RNF212B: variants seen among roughly 807,000 people sequenced by gnomAD.
RNF212B encodes ring finger protein 212B, also known as E3 ubiquitin-protein ligase RNF212B.
RNF212B carries 52 observed loss-of-function variants against 55.5 expected under a neutral mutation model. The observed-to-expected ratio is 0.94, with a 90% CI of 0.75 to 1.18. The LOEUF is 1.18. Among genes scored for constraint, RNF212B ranks in the 50% most tolerant of loss-of-function variants. RNF212B has a pLI of 0.00. For missense variants in RNF212B, 289 were observed against 350.4 expected, an observed-to-expected ratio of 0.82 and a Z score of 1.40; for synonymous variants, 99 against 121.4, an observed-to-expected ratio of 0.82 and a Z score of 1.21.
intron 1 of RNF212B, among the ~76,000 whole-genome samples, chr14:23,185,784 T>C (rs1258514896): frequency 6.6e-6 from 1 of 152,188 alleles, no homozygotes. Context: ...CTTATTACCA[T>C]TGATTACTGG....
At chr14:23,204,769 G>A (rs1448928600) in intron 2 of RNF212B, among the ~76,000 whole-genome samples, 1 of 152,070 alleles carries the variant, frequency 6.6e-6, no homozygotes, top group Non-Finnish European at 1.5e-5. Flanking sequence ...GAATGATGGT[G>A]GTATTTTGAT....
intron 2 of RNF212B, among the ~76,000 whole-genome samples, chr14:23,206,545 C>A (rs1184498954): frequency 6.6e-6 from 1 of 152,152 alleles, no homozygotes; most frequent in Non-Finnish European, 1.5e-5. Flanking sequence ...TTTATAAAGA[C>A]CCTCACCCCC....
At chr14:23,246,116 G>A (rs1054559999) in intron 4 of RNF212B, among the ~76,000 whole-genome samples, 1 of 151,556 alleles carries the variant, frequency 6.6e-6, no homozygotes, top group Non-Finnish European at 1.5e-5. Context: ...AGATCTGTAA[G>A]TCTGTAAGTT....
chr14:23,201,807 G>A (rs1879314406), intron 2 of RNF212B, among the ~76,000 whole-genome samples: 2 of 152,046 alleles, frequency 1.3e-5, no homozygotes, highest in Non-Finnish European at 1.5e-5. Flanking sequence ...TTGAGAGAGG[G>A]GACTTAATTT....
intron 4 of RNF212B, among the ~76,000 whole-genome samples, chr14:23,246,207 T>G (rs1002821962): frequency 1.3e-5 from 2 of 151,884 alleles, no homozygotes; most frequent in Non-Finnish European, 2.9e-5. Context: ...AGATCTCAGC[T>G]CACTGCAACC....
intron 4 of RNF212B, among the ~76,000 whole-genome samples, chr14:23,249,071 G>C (rs1332539026): frequency 6.6e-6 from 1 of 152,200 alleles, no homozygotes; most frequent in African/African-American, 2.4e-5. Context: ...CAGACAGCTG[G>C]TTATGGTCAG....
chr14:23,247,317 T>C (rs1384021826), intron 4 of RNF212B, among the ~76,000 whole-genome samples: 1 of 152,130 alleles, frequency 6.6e-6, no homozygotes, highest in Non-Finnish European at 1.5e-5. Context: ...TTTTAATACA[T>C]CCACAGAATT....
In RNF212B at chr14:23,203,052, A is replaced by G. The variant is rs766613141; in HGVS notation, c.-2+9651A>G. ...TACATAACTGAGTTCTTTAGTGGTGATTTGTGAGATTTTGGTGTACCCATC... is the reference window on the plus strand; with the variant it reads ...TACATAACTGAGTTCTTTAGTGGTGGTTTGTGAGATTTTGGTGTACCCATC... On this transcript the variant is annotated intron_variant, in intron 2 of 15. Transcript: ENST00000399910. Among the ~76,000 whole-genome samples the G allele has an allele frequency of 1.8e-4, 28 of 151,948 alleles. 1 individual carries two copies. The highest frequency in any genetic ancestry group is 1.5e-3 in the Admixed American group (23 of 15,248).
At chr14:23,233,001 A>C (rs1432868303), upstream of RNF212B, among the ~76,000 whole-genome samples, 1 of 152,200 alleles carries the variant, frequency 6.6e-6, no homozygotes, top group Non-Finnish European at 1.5e-5. Flanking sequence ...GAGAAATCAG[A>C]TTGTTGCTGT....
chr14:23,229,988 A>G (rs983254841), intron 2 of RNF212B: 1 of 206,966 alleles, frequency 4.8e-6, no homozygotes, highest in African/African-American at 2.3e-5. Flanking sequence ...ATCTTCTCCA[A>G]TGTCTCCTTT....
chr14:23,238,274 A>T (rs950561740), intron 1 of RNF212B, among the ~76,000 whole-genome samples: 1 of 151,550 alleles, frequency 6.6e-6, no homozygotes, highest in Non-Finnish European at 1.5e-5. Flanking sequence ...GGTTTTTTAG[A>T]CTCACTTGCT....
chr14:23,240,876 G>A (rs1370134926), intron 2 of RNF212B, among the ~76,000 whole-genome samples: 1 of 152,178 alleles, frequency 6.6e-6, no homozygotes, highest in Admixed American at 6.5e-5. Context: ...AGCTTAAAAA[G>A]CAGTTTCATA....
At chr14:23,265,001 A>G (rs529993056) in intron 11 of RNF212B, among the ~76,000 whole-genome samples, 4 of 152,060 alleles carry the variant, frequency 2.6e-5, no homozygotes, top group Non-Finnish European at 5.9e-5. Context: ...CTGTATTTTT[A>G]GTAGAGACGG....
upstream of RNF212B, among the ~76,000 whole-genome samples, chr14:23,235,072 C>T (rs543164908): frequency 8.5e-5 from 13 of 152,164 alleles, no homozygotes; most frequent in Non-Finnish European, 1.8e-4. Flanking sequence ...ATTAACCAGG[C>T]GTGGTGGCAA....
intron 2 of RNF212B, among the ~76,000 whole-genome samples, chr14:23,211,276 T>C (rs1025271740): frequency 6.6e-5 from 10 of 150,524 alleles, no homozygotes; most frequent in Non-Finnish European, 1.3e-4. Context: ...ATGGACGAAC[T>C]CCTTGAAAGA....
chr14:23,187,020 A>G (rs1016557709), intron 1 of RNF212B, among the ~76,000 whole-genome samples: 5 of 152,122 alleles, frequency 3.3e-5, no homozygotes, highest in African/African-American at 4.8e-5. Context: ...GACCCACAGG[A>G]CTTCACCTGG....
chr14:23,215,101 G>C (rs1360351329), intron 2 of RNF212B, among the ~76,000 whole-genome samples: 1 of 152,106 alleles, frequency 6.6e-6, no homozygotes, highest in Admixed American at 6.6e-5. Flanking sequence ...TGGATCATGC[G>C]GGCAGTTTCC....
chr14:23,220,257 C>T (rs111984672), intron 2 of RNF212B, among the ~76,000 whole-genome samples: 1,928 of 151,980 alleles, frequency 0.013, 40 homozygotes, highest in African/African-American at 0.042. Flanking sequence ...CAAGGCCAGG[C>T]AAGGTGGCTT....
intron 7 of RNF212B, among the ~76,000 whole-genome samples, chr14:23,262,164 AT>A (rs539444050): frequency 2.4e-4 from 36 of 149,834 alleles, no homozygotes; most frequent in East Asian, 1.2e-3. Flanking sequence ...CACTGTTCTG[AT>A]TTTTTTTTTC....
Sources: gnomAD v4.1 joint callset for allele counts (sites outside exome capture counted in the v4.1 genomes callset) on GRCh38, gnomAD v4.1.1 for gene constraint, MANE v1.5 for transcripts, NCBI Gene and HGNC (gene_info 2026-07-23, HGNC 2026-07-21) for gene names.